USP32: variants seen among roughly 807,000 people sequenced by gnomAD.
The protein encoded by USP32 is ubiquitin carboxyl-terminal hydrolase 32.
Under a neutral mutation model 204.8 loss-of-function variants are expected in USP32, and 59 were observed. The observed-to-expected ratio is 0.29, with a 90% CI of 0.23 to 0.36. The LOEUF (loss-of-function observed/expected upper bound fraction) is 0.36, where lower values mean the gene tolerates loss of function less well. USP32 is among the 10% of genes least tolerant of loss of function. The pLI, the probability that USP32 is intolerant of heterozygous loss-of-function variation, is 1.00. For synonymous variants in USP32, 517 were observed against 678.4 expected (o/e 0.76, Z 3.70); for missense variants, 1,160 against 1,946.4 (o/e 0.60, Z 7.60).
At chr17:60,346,165 G>T (rs1048561530) in intron 1 of USP32, among the ~76,000 whole-genome samples, 1 of 150,856 alleles carries the variant, frequency 6.6e-6, no homozygotes, top group Non-Finnish European at 1.5e-5. Flanking sequence ...GGCTGGTCTT[G>T]AACTCCTGGG....
At chr17:60,283,899 C>T (rs969321671) in intron 5 of USP32, among the ~76,000 whole-genome samples, 1 of 152,072 alleles carries the variant, frequency 6.6e-6, no homozygotes, top group Admixed American at 6.5e-5. Context: ...GAATGTACAT[C>T]ATCCGAGAAC....
intron 11 of USP32, among the ~76,000 whole-genome samples, chr17:60,251,186 A>G (rs1598143549): frequency 6.6e-6 from 1 of 151,572 alleles, no homozygotes; most frequent in African/African-American, 2.4e-5. Flanking sequence ...CAAACAATCC[A>G]CCTGCCTTGG....
At chr17:60,396,068 GC>G (rs2089898250), upstream of USP32, among the ~76,000 whole-genome samples, 1 of 108,392 alleles carries the variant, frequency 9.2e-6, no homozygotes, top group Admixed American at 8.6e-5. Flanking sequence ...AGCACTTGAA[GC>G]TTTTTTTTTT....
chr17:60,386,808 CT>C (rs1221718244), intron 1 of USP32, among the ~76,000 whole-genome samples: 1 of 152,210 alleles, frequency 6.6e-6, no homozygotes, highest in Non-Finnish European at 1.5e-5. Flanking sequence ...TTTATCTCCT[CT>C]TGTCAGAGAC....
intron 2 of USP32, among the ~76,000 whole-genome samples, chr17:60,309,188 A>C (rs2087797467): frequency 6.6e-6 from 1 of 152,220 alleles, no homozygotes; most frequent in Non-Finnish European, 1.5e-5. Context: ...CAATCAATAA[A>C]ATTAAGAGAC....
At chr17:60,214,197 CT>C (rs2085045321) in intron 17 of USP32, among the ~76,000 whole-genome samples, 1 of 152,170 alleles carries the variant, frequency 6.6e-6, no homozygotes, top group Admixed American at 6.5e-5. Context: ...CCACCTCGGC[CT>C]CCCAAAGTGA....
intron 2 of USP32, among the ~76,000 whole-genome samples, chr17:60,322,259 C>T (rs2088130847): frequency 6.6e-6 from 1 of 152,092 alleles, no homozygotes; most frequent in Non-Finnish European, 1.5e-5. Flanking sequence ...GATCCTCCCA[C>T]CTCAGCCTCC....
chr17:60,371,045 C>T (rs1054983451), intron 1 of USP32, among the ~76,000 whole-genome samples: 6 of 151,426 alleles, frequency 4.0e-5, no homozygotes, highest in African/African-American at 1.5e-4. Flanking sequence ...TTAGACAACA[C>T]AGTGAGACCC....
chr17:60,304,639 A>G (rs2087678082), intron 2 of USP32, among the ~76,000 whole-genome samples: 1 of 152,196 alleles, frequency 6.6e-6, no homozygotes, highest in East Asian at 1.9e-4. Flanking sequence ...TAACAATAGC[A>G]CAGAGGATGG....
chr17:60,392,195 C>T (rs2146146990), upstream of USP32: 1 of 534,410 alleles, frequency 1.9e-6, no homozygotes, highest in Non-Finnish European at 3.3e-6. Context: ...TCCTCTCTCT[C>T]CTCCCTCTCC....
chr17:60,368,331 T>C (rs1273019512), intron 1 of USP32, among the ~76,000 whole-genome samples: 1 of 152,214 alleles, frequency 6.6e-6, no homozygotes, highest in Non-Finnish European at 1.5e-5. Flanking sequence ...CACATTAGAT[T>C]GCTTTTTATT....
intron 12 of USP32, among the ~76,000 whole-genome samples, chr17:60,234,168 C>A (rs1403357091): frequency 6.6e-6 from 1 of 150,582 alleles, no homozygotes; most frequent in Non-Finnish European, 1.5e-5. Context: ...GGCTGGAGTG[C>A]AGTGACGCGA....
At chr17:60,394,415 C>T (rs1042824064), upstream of USP32, among the ~76,000 whole-genome samples, 1 of 152,340 alleles carries the variant, frequency 6.6e-6, no homozygotes, top group Admixed American at 6.5e-5. Flanking sequence ...TATCTACCCA[C>T]TTGATTTGCA....
chr17:60,314,768 CCAAA>C (rs1040735149), intron 2 of USP32, among the ~76,000 whole-genome samples: 14 of 151,956 alleles, frequency 9.2e-5, no homozygotes, highest in African/African-American at 3.1e-4. Context: ...ATAAACAAAA[CCAAA>C]CAAAGGTATA....
intron 2 of USP32, among the ~76,000 whole-genome samples, chr17:60,312,426 G>A (rs1041812622): frequency 5.3e-5 from 8 of 151,902 alleles, no homozygotes; most frequent in Admixed American, 6.6e-5. Context: ...TGTTGTTGTT[G>A]TCGTTGTCGT....
At chr17:60,228,041 T>G (rs1400808808) in intron 12 of USP32, among the ~76,000 whole-genome samples, 1 of 152,124 alleles carries the variant, frequency 6.6e-6, no homozygotes, top group African/African-American at 2.4e-5. Flanking sequence ...TTTTTTTTTT[T>G]TTGAGACAGA....
intron 5 of USP32, among the ~76,000 whole-genome samples, chr17:60,276,133 C>A (rs1368952909): frequency 6.6e-5 from 10 of 152,020 alleles, no homozygotes; most frequent in Admixed American, 6.6e-4. Flanking sequence ...AATCCCAGAA[C>A]TTTGGGAAGC....
At chr17:60,214,303 T>C (rs1278590737) in intron 17 of USP32, among the ~76,000 whole-genome samples, 1 of 152,232 alleles carries the variant, frequency 6.6e-6, no homozygotes, top group Non-Finnish European at 1.5e-5. Flanking sequence ...TATGTAACAA[T>C]AATCTTTGAA....
At chr17:60,225,076 T>C (rs2085349005) in intron 13 of USP32, among the ~76,000 whole-genome samples, 1 of 152,234 alleles carries the variant, frequency 6.6e-6, no homozygotes, top group Admixed American at 6.5e-5. Context: ...GAGAGAGTCC[T>C]GGAGATGACT....
Sources: allele counts gnomAD v4.1 joint callset (sites outside exome capture counted in the v4.1 genomes callset), GRCh38; gene constraint gnomAD v4.1.1; transcripts MANE v1.5; gene names NCBI Gene and HGNC (gene_info 2026-07-23, HGNC 2026-07-21).